PRKCE: variants seen among roughly 807,000 people sequenced by gnomAD.
PRKCE encodes protein kinase C epsilon, also known as protein kinase C epsilon type.
A neutral mutation model predicts 85.4 loss-of-function variants in PRKCE; 16 were observed. The ratio of observed to expected loss-of-function variants is 0.19; its 90% CI spans 0.13 to 0.28. The LOEUF (loss-of-function observed/expected upper bound fraction) is 0.28, where lower values mean the gene tolerates loss of function less well. PRKCE is among the 10% of genes least tolerant of loss of function. The probability of loss-of-function intolerance (pLI) is 1.00; values close to 1 mark genes in which losing one functional copy is unlikely to be tolerated. For missense variants in PRKCE, 573 were observed against 975.2 expected (o/e 0.59, Z 5.49); for synonymous variants, 388 against 371.5 (o/e 1.04, Z -0.51).
At chr2:45,934,305 A>G (rs1012933998) in intron 2 of PRKCE, among the ~76,000 whole-genome samples, 2 of 152,242 alleles carry the variant, frequency 1.3e-5, no homozygotes, top group African/African-American at 4.8e-5. Flanking sequence ...AAAAGTTTCT[A>G]TTAAGACTAA....
At chr2:46,150,503 G>A (rs1165428918) in intron 12 of PRKCE, among the ~76,000 whole-genome samples, 1 of 152,170 alleles carries the variant, frequency 6.6e-6, no homozygotes, top group Non-Finnish European at 1.5e-5. Context: ...ACCATTACAG[G>A]GTGGGGGAGA....
chr2:45,867,577 G>A (rs975743658), intron 2 of PRKCE, among the ~76,000 whole-genome samples: 1 of 152,172 alleles, frequency 6.6e-6, no homozygotes, highest in Non-Finnish European at 1.5e-5. Context: ...AAGTGATCAC[G>A]ATGAGAGATT....
chr2:46,056,531 G>A (rs1226579198), intron 10 of PRKCE, among the ~76,000 whole-genome samples: 2 of 152,110 alleles, frequency 1.3e-5, no homozygotes, highest in Non-Finnish European at 2.9e-5. Context: ...TTCTTAAAAG[G>A]TATTGCGTTG....
At chr2:45,805,176 T>G (rs1185184735) in intron 1 of PRKCE, among the ~76,000 whole-genome samples, 1 of 152,184 alleles carries the variant, frequency 6.6e-6, no homozygotes, top group East Asian at 1.9e-4. Flanking sequence ...CCCTGTGGGT[T>G]AGACACTATT....
At chr2:46,035,946 G>A (rs899109270) in intron 10 of PRKCE, among the ~76,000 whole-genome samples, 3 of 152,242 alleles carry the variant, frequency 2.0e-5, no homozygotes, top group Admixed American at 1.3e-4. Flanking sequence ...CTGATGTCAG[G>A]TGGTGATAAC....
chr2:46,003,295 G>T (rs1704863441), intron 7 of PRKCE, among the ~76,000 whole-genome samples: 1 of 152,222 alleles, frequency 6.6e-6, no homozygotes, highest in African/African-American at 2.4e-5. Context: ...TGTGTGCACA[G>T]CAGGTAGACC....
At chr2:45,939,979 C>T (rs1436123135) in intron 2 of PRKCE, among the ~76,000 whole-genome samples, 1 of 152,232 alleles carries the variant, frequency 6.6e-6, no homozygotes, top group East Asian at 1.9e-4. Context: ...CAAGTGCATT[C>T]AGAAATATGA....
Position 46,086,357 on chromosome 2 carries a change from C to T in PRKCE, c.1587C>T (p.Ile529=). ...TGTTCCTCCACCAGCATGGAGTCAT[C>T]TACAGGTAGCCTCTTCTCTCCTCCT... ...ALMFLHQHGV[I]YRDLKLDNIL... is the part of the protein sequence containing the mutation. The change falls in exon 11 of 15, where the codon ATC becomes ATT. Residue 529 remains isoleucine (I), a synonymous_variant. Coordinates refer to ENST00000306156, the MANE Select transcript of PRKCE (RefSeq NM_005400.3). 6.3e-7 allele frequency: 1 copy of T among 1,598,644 alleles called. No homozygotes were observed. The highest frequency in any genetic ancestry group is 8.5e-7 in the Non-Finnish European group (1 of 1,179,218).
At chr2:45,793,896 AT>A (rs915645890) in intron 1 of PRKCE, among the ~76,000 whole-genome samples, 37 of 149,846 alleles carry the variant, frequency 2.5e-4, no homozygotes, top group African/African-American at 8.3e-4. Flanking sequence ...GAGTGTTCAC[AT>A]TTTTTTTTTC....
intron 1 of PRKCE, among the ~76,000 whole-genome samples, chr2:45,835,795 A>G (rs1210956653): frequency 6.6e-6 from 1 of 151,852 alleles, no homozygotes; most frequent in African/African-American, 2.4e-5. Context: ...AGGTCTCAGT[A>G]TGTTGTACAG....
intron 2 of PRKCE, among the ~76,000 whole-genome samples, chr2:45,877,365 C>T (rs969311644): frequency 1.3e-5 from 2 of 151,462 alleles, no homozygotes; most frequent in East Asian, 1.9e-4. Context: ...TTCAAAAGTT[C>T]GTTATCTCTT....
chr2:45,855,460 C>T (rs1290943739), intron 2 of PRKCE, among the ~76,000 whole-genome samples: 1 of 152,196 alleles, frequency 6.6e-6, no homozygotes, highest in African/African-American at 2.4e-5. Context: ...GTGAACCCTT[C>T]CTAAGAAGAG....
intron 11 of PRKCE, among the ~76,000 whole-genome samples, chr2:46,141,883 C>T (rs1197802549): frequency 6.6e-6 from 1 of 152,284 alleles, no homozygotes; most frequent in African/African-American, 2.4e-5. Context: ...ACCATGGGAA[C>T]TCTCAGGAGA....
At chr2:46,061,863 T>TC (rs1667170954) in intron 10 of PRKCE, among the ~76,000 whole-genome samples, 1 of 137,318 alleles carries the variant, frequency 7.3e-6, no homozygotes, top group East Asian at 2.0e-4. Context: ...CTTTTTCTTT[T>TC]TTTTTTTTTT....
At chr2:45,955,738 A>T (rs933577848) in intron 2 of PRKCE, among the ~76,000 whole-genome samples, 1 of 152,182 alleles carries the variant, frequency 6.6e-6, no homozygotes, top group African/African-American at 2.4e-5. Context: ...TTGTATCTTT[A>T]GTAGCTCCTG....
intron 1 of PRKCE, among the ~76,000 whole-genome samples, chr2:45,771,732 T>TGTGTGTGTGTGTGTGA (rs1685353519): frequency 7.6e-6 from 1 of 132,320 alleles, no homozygotes; most frequent in South Asian, 2.5e-4. Flanking sequence ...TGTGTGTGTG[T>TGTGTGTGTGTGTGTGA]GTGTGAGTGT....
intron 1 of PRKCE, among the ~76,000 whole-genome samples, chr2:45,790,203 CT>C: frequency 6.6e-6 from 1 of 152,136 alleles, no homozygotes; most frequent in Non-Finnish European, 1.5e-5. Flanking sequence ...ATCCTTCAGC[CT>C]TTGGATGAAA....
At chr2:46,083,496 A>G (rs1033396825) in intron 10 of PRKCE, among the ~76,000 whole-genome samples, 8 of 152,082 alleles carry the variant, frequency 5.3e-5, no homozygotes, top group Admixed American at 4.6e-4. Flanking sequence ...GAAATACTCC[A>G]TTGTTGCTAA....
At chr2:45,876,523 TG>T (rs1268459756) in intron 2 of PRKCE, among the ~76,000 whole-genome samples, 1 of 152,220 alleles carries the variant, frequency 6.6e-6, no homozygotes, top group African/African-American at 2.4e-5. Flanking sequence ...TTCAACCATT[TG>T]GGGGTAAATC....
Sources: allele counts gnomAD v4.1 joint callset (sites outside exome capture counted in the v4.1 genomes callset), GRCh38; gene constraint gnomAD v4.1.1; transcripts MANE v1.5; gene names NCBI Gene and HGNC (gene_info 2026-07-23, HGNC 2026-07-21).